Variants in NRF1 observed in about 807,000 individuals in gnomAD.
NRF1 encodes the protein nuclear respiratory factor 1.
In NRF1, 5 loss-of-function variants were observed where a neutral mutation model predicts 58.5. That is an observed-to-expected ratio of 0.09 (90% CI 0.04 to 0.18). The LOEUF (loss-of-function observed/expected upper bound fraction) is 0.18. NRF1 is among the 10% of genes least tolerant of loss of function. The pLI is 1.00. For synonymous variants in NRF1, 224 were observed against 246.7 expected (o/e 0.91, Z 0.86); for missense variants, 288 against 657.7 (o/e 0.44, Z 6.15).
rs541308509 is a variant in NRF1 at position 129,721,324 on chromosome 7, A to T, written c.1223+3948A>T. ...TATTGTTAACACTGAGACAGTATTT[A>T]TTGTGTGTCTACTGTGTGCAGGGCT... is the stretch of plus-strand genomic sequence containing the variant. On this transcript the variant is annotated intron_variant, in intron 9 of 10. Coordinates refer to ENST00000393232, the MANE Select transcript of NRF1 (RefSeq NM_005011.5). Among the ~76,000 whole-genome samples, 4 of 152,148 alleles carry T rather than the reference A, an allele frequency of 2.6e-5. No individual in the cohort carries two copies. In the South Asian group the frequency reaches 8.3e-4, roughly 32 times the overall value.
intron 1 of NRF1, among the ~76,000 whole-genome samples, chr7:129,646,831 T>G (rs1009346837): frequency 3.3e-5 from 5 of 152,094 alleles, no homozygotes; most frequent in African/African-American, 1.2e-4. Flanking sequence ...AGACAGGGCT[T>G]GGAAGTGAGA....
intron 1 of NRF1, among the ~76,000 whole-genome samples, chr7:129,627,359 C>T (rs1800941675): frequency 6.6e-6 from 1 of 151,866 alleles, no homozygotes; most frequent in Non-Finnish European, 1.5e-5. Flanking sequence ...CTACAGGTGC[C>T]TGTCATCATG....
At chr7:129,673,792 A>G (rs1179072442) in intron 3 of NRF1, among the ~76,000 whole-genome samples, 2 of 151,988 alleles carry the variant, frequency 1.3e-5, no homozygotes, top group African/African-American at 2.4e-5. Context: ...TACCTTTGTA[A>G]CAAACCTGCA....
chr7:129,684,333 G>T (rs962033908), intron 4 of NRF1, among the ~76,000 whole-genome samples: 6 of 152,164 alleles, frequency 3.9e-5, no homozygotes, highest in Non-Finnish European at 8.8e-5. Flanking sequence ...TTGCAGACAA[G>T]AAGAGATTGA....
chr7:129,668,289 T>C (rs1028013485), intron 2 of NRF1, among the ~76,000 whole-genome samples: 3 of 152,336 alleles, frequency 2.0e-5, no homozygotes, highest in Admixed American at 6.5e-5. Context: ...GTTTAATGAC[T>C]ATAGTTATGC....
intron 7 of NRF1, 103 bp from the exon 8 acceptor site, chr7:129,711,372 G>A (rs1485026760): frequency 4.0e-6 from 3 of 754,404 alleles, no homozygotes; most frequent in Non-Finnish European, 6.5e-6. Context: ...CATATTCTTT[G>A]TTATCTGTGC....
chr7:129,629,949 A>G (rs186167596), intron 1 of NRF1: 30 of 152,326 alleles, frequency 2.0e-4, no homozygotes, highest in Admixed American at 1.4e-3. Context: ...CTTATTTATT[A>G]TGAAAATAAT....
At chr7:129,674,047 A>G (rs1802119107) in intron 3 of NRF1, among the ~76,000 whole-genome samples, 1 of 152,090 alleles carries the variant, frequency 6.6e-6, no homozygotes, top group Admixed American at 6.6e-5. Context: ...AGGCTGAGGC[A>G]GGAGAATAGC....
chr7:129,719,638 T>C (rs1483295508), intron 9 of NRF1, among the ~76,000 whole-genome samples: 1 of 151,656 alleles, frequency 6.6e-6, no homozygotes, highest in African/African-American at 2.4e-5. Flanking sequence ...TCTTCATTTC[T>C]TTTTTTCCCC....
At chr7:129,679,585 T>C (rs1421868011) in intron 4 of NRF1, among the ~76,000 whole-genome samples, 1 of 151,040 alleles carries the variant, frequency 6.6e-6, no homozygotes, top group African/African-American at 2.4e-5. Context: ...TAGCCGGGCC[T>C]GGTGGCACAT....
At chr7:129,752,298 T>C (rs1804137569) in intron 10 of NRF1, among the ~76,000 whole-genome samples, 2 of 149,258 alleles carry the variant, frequency 1.3e-5, no homozygotes, top group African/African-American at 4.9e-5. Flanking sequence ...GATAAGTCTA[T>C]CTCATGAATA....
rs1220170105 is a variant in NRF1 at position 129,751,499 on chromosome 7, C to T, written c.1349-3519C>T. On this transcript the variant is annotated intron_variant, in intron 10 of 10. Coordinates refer to ENST00000393232, the MANE Select transcript of NRF1 (RefSeq NM_005011.5). ...TATGAAAACTATTTTAACAATTGGG[C>T]ATGGGCCCACATCATAGGAAACCCA... Among the ~76,000 whole-genome samples the T allele has an allele frequency of 3.9e-5, 6 of 152,362 alleles. No homozygotes were observed. In the East Asian group the frequency reaches 1.2e-3, roughly 29 times the overall value.
chr7:129,637,616 A>G (rs776125277), intron 1 of NRF1, among the ~76,000 whole-genome samples: 14 of 152,192 alleles, frequency 9.2e-5, no homozygotes, highest in Non-Finnish European at 1.9e-4. Context: ...TTTGTCCACA[A>G]CCATATTTAT....
At chr7:129,644,007 T>C (rs972979239) in intron 1 of NRF1, among the ~76,000 whole-genome samples, 1 of 152,218 alleles carries the variant, frequency 6.6e-6, no homozygotes, top group African/African-American at 2.4e-5. Flanking sequence ...GTGCCCTTTT[T>C]TTCATTCTGG....
chr7:129,634,877 A>G (rs1186695088), intron 1 of NRF1, among the ~76,000 whole-genome samples: 2 of 152,216 alleles, frequency 1.3e-5, no homozygotes, highest in Non-Finnish European at 2.9e-5. Context: ...TAGGATTACA[A>G]GTAATTGAGG....
intron 5 of NRF1, among the ~76,000 whole-genome samples, chr7:129,696,050 C>G (rs1472910982): frequency 7.6e-6 from 1 of 131,240 alleles, no homozygotes; most frequent in Non-Finnish European, 1.6e-5. Context: ...TGGATAAACC[C>G]CGTCTCTACT....
At chr7:129,714,272 A>T (rs904680685) in intron 8 of NRF1, among the ~76,000 whole-genome samples, 1 of 152,152 alleles carries the variant, frequency 6.6e-6, no homozygotes, top group African/African-American at 2.4e-5. Flanking sequence ...CAGCATTCTA[A>T]TGCCATTTTC....
chr7:129,649,739 A>C (rs943828966), intron 1 of NRF1, among the ~76,000 whole-genome samples: 4 of 152,144 alleles, frequency 2.6e-5, no homozygotes, highest in African/African-American at 9.7e-5. Context: ...TTATATTATA[A>C]AGAAGGACTT....
chr7:129,726,962 T>G (rs1013156778), intron 9 of NRF1, among the ~76,000 whole-genome samples: 3 of 152,252 alleles, frequency 2.0e-5, no homozygotes, highest in Non-Finnish European at 4.4e-5. Context: ...AAACTGATAA[T>G]GAGTGCCTTC....
Sources: gnomAD v4.1 joint callset for allele counts (sites outside exome capture counted in the v4.1 genomes callset) on GRCh38, gnomAD v4.1.1 for gene constraint, MANE v1.5 for transcripts, NCBI Gene and HGNC (gene_info 2026-07-23, HGNC 2026-07-21) for gene names.